The following SORCS1 variants were observed in gnomAD, a reference collection of about 807,000 sequenced individuals.
SORCS1 encodes sortilin related VPS10 domain containing receptor 1.
In SORCS1, 60 loss-of-function variants were observed where a neutral mutation model predicts 146.1. The observed-to-expected ratio is 0.41, with a 90% CI of 0.33 to 0.51. The LOEUF (loss-of-function observed/expected upper bound fraction) is 0.51. SORCS1 is among the 20% of genes least tolerant of loss of function. The pLI is 0.21. For missense variants in SORCS1, 1,352 were observed against 1,487.6 expected (o/e 0.91, Z 1.50); for synonymous variants, 637 against 584.0 (o/e 1.09, Z -1.31).
chr10:106,586,363 T>G (rs1471333694), intron 24 of SORCS1, among the ~76,000 whole-genome samples: 1 of 152,210 alleles, frequency 6.6e-6, no homozygotes, highest in African/African-American at 2.4e-5. Context: ...TCCTATGTTC[T>G]GGCATCTTGT....
chr10:106,824,311 G>T (rs1375479232), intron 3 of SORCS1, among the ~76,000 whole-genome samples: 5 of 146,894 alleles, frequency 3.4e-5, no homozygotes, highest in African/African-American at 1.3e-4. Context: ...AAAAAAAAAG[G>T]CTGGGTGTGG....
intron 8 of SORCS1, among the ~76,000 whole-genome samples, chr10:106,705,783 G>T (rs1036879031): frequency 2.0e-5 from 3 of 152,142 alleles, no homozygotes; most frequent in African/African-American, 7.2e-5. Flanking sequence ...CCATATTAAC[G>T]CAGTTCTTCA....
chr10:106,897,946 C>CCA (rs1951550746), intron 2 of SORCS1, among the ~76,000 whole-genome samples: 1 of 152,234 alleles, frequency 6.6e-6, no homozygotes, highest in Non-Finnish European at 1.5e-5. Context: ...GCAGCCTTGG[C>CCA]CACTGGCCAT....
intron 2 of SORCS1, among the ~76,000 whole-genome samples, chr10:106,895,347 A>G (rs186704759): frequency 1.6e-3 from 243 of 152,338 alleles, no homozygotes; most frequent in Admixed American, 4.8e-3. Flanking sequence ...GTGGTGACTC[A>G]TGCCTGTAAT....
chr10:106,688,355 T>C lies in SORCS1; in HGVS notation c.1414-17A>G, dbSNP rs752500757. 2.1e-5 allele frequency: 34 copies of C among 1,607,112 alleles called. No homozygotes were observed. Among genetic ancestry groups the C allele is most frequent in the Non-Finnish European group, 2.7e-5 (32 of 1,177,890 alleles). ...CCCTGCTACCTGGGAAAAATTGACA[T>C]GGCTGAAAAATACATCAATTTGAGA... On this transcript the variant is annotated splice_polypyrimidine_tract_variant and intron_variant, in intron 9 of 25. Transcript: ENST00000263054.
intron 2 of SORCS1, among the ~76,000 whole-genome samples, chr10:106,880,555 T>A (rs1950768501): frequency 1.3e-5 from 2 of 152,108 alleles, no homozygotes; most frequent in Admixed American, 6.5e-5. Context: ...AACCAACAGG[T>A]CTTGGAAGTG....
At chr10:107,048,923 A>C (rs1002214535) in intron 1 of SORCS1, among the ~76,000 whole-genome samples, 4 of 152,170 alleles carry the variant, frequency 2.6e-5, no homozygotes, top group African/African-American at 9.7e-5. Flanking sequence ...TAAAAGGAGA[A>C]TAGCAACACA....
chr10:106,856,148 T>C (rs537007081), intron 2 of SORCS1, among the ~76,000 whole-genome samples: 5 of 151,794 alleles, frequency 3.3e-5, no homozygotes, highest in Non-Finnish European at 7.4e-5. Context: ...AGCCTCAGCC[T>C]CCTGAGTAGC....
At chr10:107,033,960 C>T (rs534105374) in intron 1 of SORCS1, among the ~76,000 whole-genome samples, 6 of 152,324 alleles carry the variant, frequency 3.9e-5, no homozygotes, top group African/African-American at 7.2e-5. Flanking sequence ...ACATTAATCA[C>T]TCCTGATGCT....
At chr10:106,857,111 A>G (rs116973456) in intron 2 of SORCS1, among the ~76,000 whole-genome samples, 1,558 of 152,250 alleles carry the variant, frequency 0.01, 13 homozygotes, top group Admixed American at 0.016. Flanking sequence ...AGCAGTGAAC[A>G]TATCTTTGTT....
chr10:106,809,760 G>A (rs1947367698), intron 3 of SORCS1, among the ~76,000 whole-genome samples: 1 of 152,164 alleles, frequency 6.6e-6, no homozygotes, highest in African/African-American at 2.4e-5. Context: ...ACCCTCTTCT[G>A]TGTATTTGTG....
At chr10:106,807,735 T>C (rs1448689456) in intron 3 of SORCS1, among the ~76,000 whole-genome samples, 1 of 152,254 alleles carries the variant, frequency 6.6e-6, no homozygotes, top group Non-Finnish European at 1.5e-5. Flanking sequence ...CTGCCAAGAA[T>C]ACAGCAGCAG....
chr10:107,175,386 G>T, the SORCS1 span, among the ~76,000 whole-genome samples: 2 of 152,094 alleles, frequency 1.3e-5, no homozygotes, highest in Non-Finnish European at 2.9e-5. Flanking sequence ...TGGATCTGGA[G>T]TTTACTTTAT....
chr10:106,652,439 A>G lies in SORCS1; in HGVS notation c.2418T>C (p.Asp806=). 1 of 1,614,112 alleles carries G rather than the reference A, an allele frequency of 6.2e-7. No individual in the cohort carries two copies. Among genetic ancestry groups the G allele is most frequent in the Non-Finnish European group, 8.5e-7 (1 of 1,179,986 alleles). ...GTCCTTGTTCCGCTGTCAGCTTTCC[A>G]TCAGCCGTGACTATCCGCAGCCCCC... ...APRGLRIVTA[D]GKLTAEQGHN... is the part of the protein sequence containing the mutation. Residue 806 remains aspartate, a synonymous_variant, in exon 18 of 26, where the codon GAT becomes GAC. Transcript: ENST00000263054.
At chr10:106,633,569 T>G (rs1848558491) in intron 18 of SORCS1, among the ~76,000 whole-genome samples, 2 of 152,158 alleles carry the variant, frequency 1.3e-5, no homozygotes, top group South Asian at 2.1e-4. Context: ...GATGATATTT[T>G]TAATTCAAAA....
Position 106,953,701 on chromosome 10 carries a change from A to G in SORCS1, c.626+2812T>C, listed in dbSNP as rs114972460. Among the ~76,000 whole-genome samples the G allele has an allele frequency of 1.8e-3, 279 of 152,338 alleles. 3 individuals are homozygous for G. The highest frequency in any genetic ancestry group is 6.4e-3 in the African/African-American group (268 of 41,578). On this transcript the variant is annotated intron_variant, in intron 2 of 25. Coordinates refer to ENST00000263054, the MANE Select transcript of SORCS1 (RefSeq NM_052918.5). The stretch of plus-strand genomic sequence containing the variant: ...CCTATTGTTCCAAGACTGCAAATCC[A>G]TACAGCATGTTACTGTGTTGAACAC...
chr10:107,018,585 A>G (rs1957996521), intron 1 of SORCS1, among the ~76,000 whole-genome samples: 2 of 152,126 alleles, frequency 1.3e-5, no homozygotes, highest in East Asian at 1.9e-4. Flanking sequence ...TATAAAACTT[A>G]TATTAAGCTT....
At chr10:106,779,545 A>ATTTTTTTTTTTTTTTTTTTTTTTTTTT (rs1491495992) in intron 3 of SORCS1, among the ~76,000 whole-genome samples, 2 of 116,732 alleles carry the variant, frequency 1.7e-5, no homozygotes. Flanking sequence ...ATTATGGCCC[A>ATTTTTTTTTTTTTTTTTTTTTTTTTTT]TATTTTTTTT....
intron 18 of SORCS1, among the ~76,000 whole-genome samples, chr10:106,647,917 G>A (rs1231003405): frequency 6.6e-6 from 1 of 152,080 alleles, no homozygotes; most frequent in Non-Finnish European, 1.5e-5. Context: ...AGCCAGGCTG[G>A]AGTGCTGTGG....
Sources: allele counts gnomAD v4.1 joint callset (sites outside exome capture counted in the v4.1 genomes callset), GRCh38; gene constraint gnomAD v4.1.1; transcripts MANE v1.5; gene names NCBI Gene and HGNC (gene_info 2026-07-23, HGNC 2026-07-21).